LPP: variants seen among roughly 807,000 people sequenced by gnomAD.
LPP encodes the protein lipoma-preferred partner.
Under a neutral mutation model 60.4 loss-of-function variants are expected in LPP, and 38 were observed. The observed-to-expected ratio is 0.63, with a 90% CI of 0.49 to 0.83. The LOEUF (loss-of-function observed/expected upper bound fraction) is 0.83. Among genes scored for constraint, LPP ranks in the 40% least tolerant of loss-of-function variants. LPP has a pLI of 0.00. For synonymous variants in LPP, 328 were observed against 290.8 expected (o/e 1.13, Z -1.30); for missense variants, 902 against 783.6 (o/e 1.15, Z -1.80).
chr3:188,681,302 C>G (rs573924269), intron 7 of LPP, among the ~76,000 whole-genome samples: 25 of 152,246 alleles, frequency 1.6e-4, no homozygotes, highest in African/African-American at 3.1e-4. Flanking sequence ...CCGCATTTCC[C>G]TTTTGTACAC....
At chr3:188,206,009 TG>T (rs1367109980) in intron 1 of LPP, among the ~76,000 whole-genome samples, 3 of 152,202 alleles carry the variant, frequency 2.0e-5, no homozygotes, top group African/African-American at 7.2e-5. Flanking sequence ...CCCTTCCTTT[TG>T]CTAACACTGA....
chr3:188,175,687 T>C (rs116824100), intron 1 of LPP, among the ~76,000 whole-genome samples: 1,794 of 152,266 alleles, frequency 0.012, 31 homozygotes, highest in African/African-American at 0.042. Context: ...GGCTTTATAC[T>C]AAAAAGAGAT....
chr3:188,805,191 A>C (rs1237523239), intron 9 of LPP, among the ~76,000 whole-genome samples: 1 of 152,046 alleles, frequency 6.6e-6, no homozygotes, highest in Non-Finnish European at 1.5e-5. Context: ...ATTTGTTATC[A>C]GTGCAGTGCT....
At chr3:188,513,845 G>A (rs80020079) in intron 5 of LPP, among the ~76,000 whole-genome samples, 3,667 of 152,164 alleles carry the variant, frequency 0.024, 74 homozygotes, top group Middle Eastern at 0.058. Flanking sequence ...GCTTAAACTC[G>A]GAGTTGGCCT....
In LPP at chr3:188,553,442, G is replaced by A. The variant is rs567336860; in HGVS notation, c.429+28655G>A. ...GACAGAGAGATGCCTTGGAATGGCCGCACATTGAGCTCGTGCATGTTGGAG... is the reference window on the plus strand; with the variant it reads ...GACAGAGAGATGCCTTGGAATGGCCACACATTGAGCTCGTGCATGTTGGAG... On this transcript the variant is annotated intron_variant, in intron 6 of 11. Coordinates refer to ENST00000617246, the MANE Select transcript of LPP (RefSeq NM_001375462.1). 1.1e-3 allele frequency among the ~76,000 whole-genome samples: 162 copies of A among 152,254 alleles called. 1 individual carries two copies. Among genetic ancestry groups the A allele is most frequent in the Non-Finnish European group, 1.9e-3 (132 of 68,026 alleles).
intron 3 of LPP, among the ~76,000 whole-genome samples, chr3:188,341,998 G>T (rs151036592): frequency 6.6e-6 from 1 of 152,114 alleles, no homozygotes; most frequent in Non-Finnish European, 1.5e-5. Flanking sequence ...GTATTTAAGT[G>T]TCCATAAAAT....
intron 9 of LPP, among the ~76,000 whole-genome samples, chr3:188,858,934 A>G (rs965863032): frequency 6.6e-6 from 1 of 151,664 alleles, no homozygotes; most frequent in Non-Finnish European, 1.5e-5. Context: ...TGCTAAAAAT[A>G]AAAAATTAGC....
chr3:188,471,757 T>G (rs141075831), intron 4 of LPP, among the ~76,000 whole-genome samples: 4 of 152,312 alleles, frequency 2.6e-5, no homozygotes, highest in African/African-American at 4.8e-5. Flanking sequence ...ATGGTGTATT[T>G]ATTTAGAATT....
chr3:188,836,229 G>A (rs1758415292), intron 9 of LPP, among the ~76,000 whole-genome samples: 1 of 152,132 alleles, frequency 6.6e-6, no homozygotes, highest in Non-Finnish European at 1.5e-5. Flanking sequence ...TCCACATCTT[G>A]AGCCTTAAAC....
intron 6 of LPP, among the ~76,000 whole-genome samples, chr3:188,541,422 C>T (rs1405950935): frequency 1.3e-5 from 2 of 152,030 alleles, no homozygotes; most frequent in Non-Finnish European, 2.9e-5. Flanking sequence ...AGCTGCACAC[C>T]CTTAAGGCTT....
In LPP at chr3:188,190,529, A is replaced by G. The variant is rs1282186943; in HGVS notation, c.-189-34876A>G. On this transcript the variant is annotated intron_variant, in intron 1 of 11. Coordinates refer to ENST00000617246, the MANE Select transcript of LPP (RefSeq NM_001375462.1). ...ATGCTCTGTTCTAGGCACTGGGGAT[A>G]TAGTGATGAAGGAGGCAGGCAAAGT... Among the ~76,000 whole-genome samples, 3 of 152,302 alleles carry G rather than the reference A, an allele frequency of 2.0e-5. No homozygotes were observed. In the East Asian group the frequency reaches 5.8e-4, roughly 29 times the overall value.
chr3:188,384,928 C>T (rs2889896), intron 3 of LPP, among the ~76,000 whole-genome samples: 66,205 of 151,536 alleles, frequency 0.44, 15,034 homozygotes, highest in East Asian at 0.66. Flanking sequence ...GTGTGTTTAC[C>T]CTATGGGTCA....
intron 2 of LPP, among the ~76,000 whole-genome samples, chr3:188,273,313 G>A (rs1316539824): frequency 6.6e-6 from 1 of 152,182 alleles, no homozygotes; most frequent in African/African-American, 2.4e-5. Context: ...AAACAGAATT[G>A]AGGATTTCTA....
intron 1 of LPP, among the ~76,000 whole-genome samples, chr3:188,223,446 T>A (rs201703027): frequency 1.3e-5 from 2 of 152,380 alleles, no homozygotes; most frequent in East Asian, 3.9e-4. Context: ...AAATTGCGTT[T>A]GAACTCTGCT....
intron 7 of LPP, among the ~76,000 whole-genome samples, chr3:188,691,875 G>C (rs1862197084): frequency 6.6e-6 from 1 of 152,152 alleles, no homozygotes. Context: ...CTGGCTTTGT[G>C]TGATAGTGCC....
intron 6 of LPP, among the ~76,000 whole-genome samples, chr3:188,602,983 T>A (rs1161427093): frequency 6.6e-6 from 1 of 151,064 alleles, no homozygotes; most frequent in Non-Finnish European, 1.5e-5. Context: ...GCACTACAGG[T>A]GACCTGCAGA....
intron 1 of LPP, among the ~76,000 whole-genome samples, chr3:188,224,451 A>G (rs1390262422): frequency 6.6e-6 from 1 of 152,206 alleles, no homozygotes; most frequent in Non-Finnish European, 1.5e-5. Flanking sequence ...CATACTGTGT[A>G]ATCATTAGCA....
chr3:188,732,393 G>A (rs1401833455), intron 8 of LPP, among the ~76,000 whole-genome samples: 2 of 152,170 alleles, frequency 1.3e-5, no homozygotes, highest in East Asian at 3.8e-4. Context: ...CCTCTTCCAT[G>A]AACCACTGTG....
intron 2 of LPP, among the ~76,000 whole-genome samples, chr3:188,320,024 T>C (rs1047721700): frequency 2.6e-5 from 4 of 152,226 alleles, no homozygotes; most frequent in African/African-American, 7.2e-5. Flanking sequence ...TGACTGATGC[T>C]TTCTCATGAT....
Sources: allele counts gnomAD v4.1 joint callset (sites outside exome capture counted in the v4.1 genomes callset), GRCh38; gene constraint gnomAD v4.1.1; transcripts MANE v1.5; gene names NCBI Gene and HGNC (gene_info 2026-07-23, HGNC 2026-07-21).